BMAL1: variants seen among roughly 807,000 people sequenced by gnomAD.
BMAL1 encodes basic helix-loop-helix ARNT like 1.
chr11:13,355,188 A>T, the BMAL1 span: 3 of 1,560,810 alleles, frequency 1.9e-6, no homozygotes, highest in Non-Finnish European at 1.8e-6. Flanking sequence ...ATCTCCGAGG[A>T]GGTATACCCC....
At chr11:13,351,482 G>C in the BMAL1 span, among the ~76,000 whole-genome samples, 2 of 152,182 alleles carry the variant, frequency 1.3e-5, no homozygotes, top group African/African-American at 2.4e-5. Flanking sequence ...CTGTAATTCA[G>C]GGTGACATCT....
At chr11:13,319,743 G>A in the BMAL1 span, among the ~76,000 whole-genome samples, 2 of 152,174 alleles carry the variant, frequency 1.3e-5, no homozygotes, top group African/African-American at 4.8e-5. Context: ...AAGAATTACA[G>A]CCAAATCACA....
At chr11:13,364,700 T>C in the BMAL1 span, among the ~76,000 whole-genome samples, 1 of 152,214 alleles carries the variant, frequency 6.6e-6, no homozygotes, top group Non-Finnish European at 1.5e-5. Context: ...AGCTTGGGTA[T>C]TTACCTGCTT....
the BMAL1 span, chr11:13,365,560 G>A: frequency 6.2e-7 from 1 of 1,613,748 alleles, no homozygotes; most frequent in South Asian, 1.1e-5. Context: ...CTTTGTCTCA[G>A]AGTCTGTCTT....
the BMAL1 span, among the ~76,000 whole-genome samples, chr11:13,300,460 A>C: frequency 6.6e-6 from 1 of 152,230 alleles, no homozygotes; most frequent in Admixed American, 6.5e-5. Context: ...ATGAATGAGG[A>C]AGCAGGGAAA....
chr11:13,368,436 A>AGG, the BMAL1 span, among the ~76,000 whole-genome samples: 1 of 152,298 alleles, frequency 6.6e-6, no homozygotes, highest in East Asian at 1.9e-4. Flanking sequence ...ACGTGCACGG[A>AGG]GGGGAAGGGC....
chr11:13,306,387 A>C, the BMAL1 span, among the ~76,000 whole-genome samples: 2 of 152,206 alleles, frequency 1.3e-5, no homozygotes, highest in East Asian at 1.9e-4. Flanking sequence ...CCATGAGGAC[A>C]GTGAGGAAGT....
chr11:13,385,613 CCCCAT>C, the BMAL1 span: 5 of 1,060,538 alleles, frequency 4.7e-6, no homozygotes, highest in Non-Finnish European at 7.2e-6. Context: ...CCCCACCCCA[CCCCAT>C]GCTTCATTTT....
At chr11:13,360,000 ACT>A in the BMAL1 span, among the ~76,000 whole-genome samples, 113 of 152,186 alleles carry the variant, frequency 7.4e-4, no homozygotes, top group African/African-American at 2.6e-3. Context: ...GGAGGAGGGA[ACT>A]CTCTGAGGAG....
the BMAL1 span, among the ~76,000 whole-genome samples, chr11:13,305,512 A>G: frequency 6.6e-6 from 1 of 152,168 alleles, no homozygotes; most frequent in Non-Finnish European, 1.5e-5. Flanking sequence ...TTTATTCCCC[A>G]GGATTTTCTG....
chr11:13,308,363 G>A, the BMAL1 span, among the ~76,000 whole-genome samples: 1 of 152,194 alleles, frequency 6.6e-6, no homozygotes, highest in Non-Finnish European at 1.5e-5. Flanking sequence ...CAGGAGTTCA[G>A]AGCAGGGGTC....
At chr11:13,289,140 T>C in the BMAL1 span, among the ~76,000 whole-genome samples, 1 of 152,304 alleles carries the variant, frequency 6.6e-6, no homozygotes, top group Admixed American at 6.5e-5. Context: ...TTTCAGTGTA[T>C]GTGTGATGCT....
chr11:13,281,943 T>G, the BMAL1 span, among the ~76,000 whole-genome samples: 1 of 152,246 alleles, frequency 6.6e-6, no homozygotes, highest in Non-Finnish European at 1.5e-5. Flanking sequence ...CTTCTGCTAT[T>G]CACACTGTCC....
chr11:13,327,099 T>C, the BMAL1 span, among the ~76,000 whole-genome samples: 30 of 151,820 alleles, frequency 2.0e-4, no homozygotes, highest in Admixed American at 7.2e-4. Context: ...GGATTACAGG[T>C]GTGAGCCACT....
chr11:13,372,516 A>G, the BMAL1 span: 3 of 1,501,238 alleles, frequency 2.0e-6, no homozygotes, highest in Non-Finnish European at 2.7e-6. Context: ...AAGAATGAAG[A>G]AAGAAAGAAA....
the BMAL1 span, among the ~76,000 whole-genome samples, chr11:13,315,978 G>A: frequency 6.6e-6 from 1 of 152,218 alleles, no homozygotes; most frequent in Non-Finnish European, 1.5e-5. Context: ...AGAACCAGCT[G>A]TGCTGAGGAA....
chr11:13,355,726 C>T, the BMAL1 span, among the ~76,000 whole-genome samples: 1 of 152,178 alleles, frequency 6.6e-6, no homozygotes, highest in Non-Finnish European at 1.5e-5. Context: ...TTTGTCCTTC[C>T]GTGCGGCCTG....
the BMAL1 span, among the ~76,000 whole-genome samples, chr11:13,330,984 C>T: frequency 1.3e-5 from 2 of 152,108 alleles, no homozygotes; most frequent in Admixed American, 6.5e-5. Flanking sequence ...AAGTATATCT[C>T]ATTGTAGGTG....
At chr11:13,287,563 C>T in the BMAL1 span, among the ~76,000 whole-genome samples, 4 of 152,208 alleles carry the variant, frequency 2.6e-5, no homozygotes, top group African/African-American at 9.6e-5. Flanking sequence ...GTGAATTCAG[C>T]TTTGGATAAA....
Sources: allele counts gnomAD v4.1 joint callset (sites outside exome capture counted in the v4.1 genomes callset), GRCh38; gene constraint gnomAD v4.1.1; transcripts MANE v1.5; gene names NCBI Gene and HGNC (gene_info 2026-07-23, HGNC 2026-07-21).